ZC3H11A: variants seen among roughly 807,000 people sequenced by gnomAD.
ZC3H11A encodes zinc finger CCCH-type containing 11A.
In ZC3H11A, 22 loss-of-function variants were observed where a neutral mutation model predicts 90.8. The observed-to-expected ratio is 0.24, with a 90% confidence interval of 0.17 to 0.35. The LOEUF is 0.35. ZC3H11A is among the 10% of genes least tolerant of loss of function. ZC3H11A has a pLI of 1.00. For missense variants in ZC3H11A, 701 were observed against 964.9 expected, an observed-to-expected ratio of 0.73 and a Z score of 3.62; for synonymous variants, 294 against 339.8, an observed-to-expected ratio of 0.87 and a Z score of 1.48.
intron 12 of ZC3H11A, among the ~76,000 whole-genome samples, chr1:203,841,214 G>T (rs988703859): frequency 9.3e-5 from 14 of 150,922 alleles, no homozygotes; most frequent in African/African-American, 2.9e-4. Context: ...AGGGGGATTG[G>T]CAGGGTCATA....
intron 1 of ZC3H11A, 72 bp from the exon 2 acceptor site, chr1:203,801,503 G>A (rs1184398168): frequency 6.6e-6 from 1 of 152,442 alleles, no homozygotes; most frequent in Non-Finnish European, 1.5e-5. Flanking sequence ...ATGACTTTTA[G>A]TAAAAGTCTA....
chr1:203,816,787 CAG>C (rs1676529618), intron 2 of ZC3H11A, 137 bp from the exon 3 acceptor site: 1 of 310,206 alleles, frequency 3.2e-6, no homozygotes, highest in East Asian at 5.6e-5. Flanking sequence ...TATTCGCAAT[CAG>C]TGTGTTTACA....
intron 1 of ZC3H11A, chr1:203,800,599 C>A: frequency 2.9e-6 from 2 of 683,734 alleles, no homozygotes; most frequent in Non-Finnish European, 4.4e-6. Flanking sequence ...GAAAATTCCT[C>A]AGAGGCAATA....
chr1:203,816,304 A>G (rs935424938), intron 2 of ZC3H11A, among the ~76,000 whole-genome samples: 11 of 152,178 alleles, frequency 7.2e-5, no homozygotes, highest in African/African-American at 2.7e-4. Flanking sequence ...AAAAATACAT[A>G]TATACATACA....
chr1:203,828,499 C>A, intron 5 of ZC3H11A, 77 bp downstream of exon 5: 1 of 1,497,564 alleles, frequency 6.7e-7, no homozygotes, highest in Non-Finnish European at 9.1e-7. Context: ...ACTTTTCAGA[C>A]ATTGACTCCT....
At chr1:203,797,541 A>T in intron 1 of ZC3H11A, 1 of 1,522,772 alleles carries the variant, frequency 6.6e-7, no homozygotes, top group Non-Finnish European at 8.8e-7. Context: ...ATGTACTCTA[A>T]GTGTACCAGT....
At chr1:203,813,168 T>C (rs1368540764) in intron 2 of ZC3H11A, among the ~76,000 whole-genome samples, 2 of 152,134 alleles carry the variant, frequency 1.3e-5, no homozygotes, top group African/African-American at 2.4e-5. Flanking sequence ...CAGACCTTTT[T>C]AATTTTAATG....
chr1:203,829,214 C>T (rs570604274), intron 5 of ZC3H11A: 4 of 559,640 alleles, frequency 7.1e-6, no homozygotes, highest in African/African-American at 1.9e-5. Flanking sequence ...TTCTAGTCTT[C>T]TGTTGATTCT....
At chr1:203,838,954 CAAAAAA>C (rs59033094) in intron 11 of ZC3H11A, among the ~76,000 whole-genome samples, 4 of 97,946 alleles carry the variant, frequency 4.1e-5, no homozygotes, top group African/African-American at 1.7e-4. Context: ...GACTTCATCT[CAAAAAA>C]AAAAAAAAAA....
At chr1:203,827,259 T>TAC (rs1376813742) in intron 4 of ZC3H11A, among the ~76,000 whole-genome samples, 2 of 152,190 alleles carry the variant, frequency 1.3e-5, no homozygotes, top group Non-Finnish European at 2.9e-5. Flanking sequence ...ACATTGCTTA[T>TAC]ACACAGCTGT....
intron 4 of ZC3H11A, among the ~76,000 whole-genome samples, chr1:203,824,253 G>GT (rs1679744603): frequency 7.0e-6 from 1 of 142,104 alleles, no homozygotes; most frequent in Non-Finnish European, 1.5e-5. Flanking sequence ...GGGCTACACA[G>GT]TAAGACTCCC....
At chr1:203,807,602 C>T (rs938586517) in intron 2 of ZC3H11A, among the ~76,000 whole-genome samples, 27 of 151,216 alleles carry the variant, frequency 1.8e-4, no homozygotes, top group Non-Finnish European at 4.0e-4. Flanking sequence ...TCATAGCTCA[C>T]TGCAGTCTCA....
intron 1 of ZC3H11A, chr1:203,796,851 C>T (rs1558084856): frequency 6.2e-6 from 1 of 162,242 alleles, no homozygotes; most frequent in Non-Finnish European, 1.3e-5. Context: ...TTTTTTCCAG[C>T]CACTCACATT....
At chr1:203,816,554 C>T (rs1406279894) in intron 2 of ZC3H11A, among the ~76,000 whole-genome samples, 1 of 152,016 alleles carries the variant, frequency 6.6e-6, no homozygotes, top group Non-Finnish European at 1.5e-5. Flanking sequence ...TCCCTTGAGC[C>T]CAGGAGTTCA....
At chr1:203,850,312 A>G in intron 15 of ZC3H11A, 1 of 713,858 alleles carries the variant, frequency 1.4e-6, no homozygotes, top group Non-Finnish European at 2.3e-6. Context: ...AACAAATTTA[A>G]GTGGTATTGT....
intron 1 of ZC3H11A, chr1:203,799,103 TAC>T (rs751095538): frequency 2.6e-6 from 4 of 1,535,566 alleles, no homozygotes; most frequent in Non-Finnish European, 3.5e-6. Context: ...TGCTTTGTGT[TAC>T]AGGTTTGGCT....
Position 203,815,211 on chromosome 1 carries a change from C to CTTTCTTTTTT in ZC3H11A, c.-145-1712_-145-1711insCTTTTTTTTT, listed in dbSNP as rs779729339. ...GTTATTTCATTATTTTCTTCCTTTT[C>CTTTCTTTTTT]TTTTCTTTTTTTTTTTTTTTTGAGA... On this transcript the variant is annotated intron_variant, in intron 2 of 17. Coordinates refer to ENST00000367210, the MANE Select transcript of ZC3H11A (RefSeq NM_001376342.1). 1.5e-3 allele frequency among the ~76,000 whole-genome samples: 90 copies of CTTTCTTTTTT among 59,362 alleles called. 3 individuals are homozygous for CTTTCTTTTTT. Among genetic ancestry groups the CTTTCTTTTTT allele is most frequent in the East Asian group, 8.9e-3 (24 of 2,694 alleles). 38.9% of individuals were successfully genotyped at this position (59,362 alleles called of 152,430 possible). A position where few individuals can be genotyped will look rare whatever the true frequency, so the allele number is the denominator to read the frequency against.
At chr1:203,837,708 C>A (rs1684818695) in intron 10 of ZC3H11A, among the ~76,000 whole-genome samples, 1 of 152,030 alleles carries the variant, frequency 6.6e-6, no homozygotes, top group Non-Finnish European at 1.5e-5. Context: ...GAACTCCTGG[C>A]CTTAAGTGAT....
intron 1 of ZC3H11A, chr1:203,796,681 T>TA: frequency 2.6e-6 from 1 of 382,584 alleles, no homozygotes; most frequent in African/African-American, 2.1e-5. Context: ...TTTCACTTTT[T>TA]GCTATCTCTA....
Sources: gnomAD v4.1 joint callset for allele counts (sites outside exome capture counted in the v4.1 genomes callset) on GRCh38, gnomAD v4.1.1 for gene constraint, MANE v1.5 for transcripts, NCBI Gene and HGNC (gene_info 2026-07-23, HGNC 2026-07-21) for gene names.